Variants in SLC26A4 observed in about 807,000 individuals in gnomAD.
SLC26A4 encodes solute carrier family 26 member 4, also known as pendrin.
Under a neutral mutation model 90.4 loss-of-function variants are expected in SLC26A4, and 93 were observed. The observed-to-expected ratio is 1.03, with a 90% CI of 0.87 to 1.22. The LOEUF (loss-of-function observed/expected upper bound fraction) is 1.22, where lower values mean the gene tolerates loss of function less well. SLC26A4 is among the 50% of genes most tolerant of loss of function. The probability of loss-of-function intolerance (pLI) is 0.00; values close to 1 mark genes in which losing one functional copy is unlikely to be tolerated. For synonymous variants in SLC26A4, 393 were observed against 354.6 expected (o/e 1.11, Z -1.22); for missense variants, 1,127 against 946.2 (o/e 1.19, Z -2.51).
intron 3 of SLC26A4, among the ~76,000 whole-genome samples, chr7:107,666,288 C>T (rs926920370): frequency 9.2e-5 from 14 of 152,024 alleles, no homozygotes; most frequent in Non-Finnish European, 1.5e-5. Flanking sequence ...GTGGTGAGAT[C>T]ACAGCTCACC....
At chr7:107,682,555 T>A (rs1394455151) in intron 6 of SLC26A4, among the ~76,000 whole-genome samples, 1 of 152,124 alleles carries the variant, frequency 6.6e-6, no homozygotes, top group Non-Finnish European at 1.5e-5. Flanking sequence ...TATTTTAGGA[T>A]TTTTTGTAAT....
At chr7:107,697,997 T>G in intron 13 of SLC26A4, 45 bp from the exon 14 acceptor site, 1 of 1,231,160 alleles carries the variant, frequency 8.1e-7, no homozygotes, top group Non-Finnish European at 1.2e-6. Flanking sequence ...TATTCCAAAA[T>G]ACGGCTGTTC....
intron 3 of SLC26A4, among the ~76,000 whole-genome samples, chr7:107,667,561 G>A (rs1397622111): frequency 6.7e-6 from 1 of 149,460 alleles, no homozygotes; most frequent in Admixed American, 6.7e-5. Flanking sequence ...CTTTTAAGAA[G>A]TTTTGCCATG....
intron 4 of SLC26A4, 29 bp downstream of exon 4, chr7:107,672,277 T>C: frequency 7.1e-7 from 1 of 1,405,874 alleles, no homozygotes; most frequent in Non-Finnish European, 1.0e-6. Context: ...TACAATTATA[T>C]TTGCTCATGT....
intron 16 of SLC26A4, among the ~76,000 whole-genome samples, 194 bp downstream of exon 16, chr7:107,701,390 G>A (rs1250213289): frequency 2.6e-5 from 4 of 152,244 alleles, no homozygotes; most frequent in East Asian, 3.9e-4. Flanking sequence ...AATCAGCAGC[G>A]CTGCCTGGAA....
chr7:107,686,409 CTT>C (rs1430454609), intron 8 of SLC26A4, among the ~76,000 whole-genome samples: 2 of 39,860 alleles, frequency 5.0e-5, no homozygotes, highest in South Asian at 1.6e-3. Context: ...TCTCTTTTTT[CTT>C]TCTTTCTTTC....
intron 3 of SLC26A4, among the ~76,000 whole-genome samples, chr7:107,670,196 G>A (rs1003762811): frequency 8.1e-5 from 12 of 148,996 alleles, no homozygotes; most frequent in Middle Eastern, 3.4e-3. Flanking sequence ...TGAAACCTCC[G>A]CCTCCTGGGT....
In SLC26A4 at chr7:107,716,531, G is replaced by T. The variant is rs947945789; in HGVS notation, c.*1085G>T. 6.6e-6 allele frequency: 1 copy of T among 152,066 alleles called. No individual in the cohort carries two copies. The highest frequency in any genetic ancestry group is 2.4e-5 in the African/African-American group (1 of 41,386). 9.4% of individuals were successfully genotyped at this position (152,066 alleles called of 1,614,324 possible). ...GAACTCAATATAAAAACATTCATTT[G>T]GAATGTACATACTGAAAAATACAGG... On this transcript the variant is annotated 3_prime_UTR_variant, in exon 21 of 21. Transcript: ENST00000644269.
rs1310085206 is a variant in SLC26A4 at position 107,672,093 on chromosome 7, T to C, written c.305-45T>C. 5.7e-6 allele frequency: 7 copies of C among 1,225,676 alleles called. No individual in the cohort carries two copies. The East Asian group carries it at 1.2e-4, about 20-fold the overall frequency. The allele number at this position is 1,225,676 out of a possible 1,614,324, so 75.9% of individuals were successfully genotyped here. A position where few individuals can be genotyped will look rare whatever the true frequency, so the allele number is the denominator to read the frequency against. ...TGTAAGTTGAGGACTTTCTGCATAC[T>C]GTAACTTTGGTTTGTGAATGTAATC... is the stretch of plus-strand genomic sequence containing the variant. On this transcript the variant is annotated intron_variant, in intron 3 of 20. Transcript: ENST00000644269.
At position 107,675,358 on chromosome 7, in the gene SLC26A4, T is replaced by C. The variant is rs111738512; in HGVS notation, c.765+249T>C. On this transcript the variant is annotated intron_variant, in intron 6 of 20. Coordinates refer to ENST00000644269, the MANE Select transcript of SLC26A4 (RefSeq NM_000441.2). The stretch of plus-strand genomic sequence containing the variant: ...AAGAAAAAATCCAAAAATCCGAAAA[T>C]TTGCTGGGTGTGGTGGTGCACACTT... 7.1e-3 allele frequency among the ~76,000 whole-genome samples: 1,024 copies of C among 144,600 alleles called. 9 individuals carry two copies. The highest frequency in any genetic ancestry group is 0.025 in the African/African-American group (963 of 39,084). The allele number at this position is 144,600 out of a possible 152,430, so 94.9% of individuals were successfully genotyped here.
At chr7:107,663,669 G>A (rs1287623664) in intron 3 of SLC26A4, among the ~76,000 whole-genome samples, 1 of 152,118 alleles carries the variant, frequency 6.6e-6, no homozygotes, top group African/African-American at 2.4e-5. Flanking sequence ...ACTAGGCAGT[G>A]GCTTCTCAAT....
Position 107,716,687 on chromosome 7 carries a change from G to C in SLC26A4, c.*1241G>C, listed in dbSNP as rs1792354002. On this transcript the variant is annotated 3_prime_UTR_variant, in exon 21 of 21. Transcript: ENST00000644269. Reference sequence around the variant, plus strand: ...CTTTTCCCATATATTTCACACTGGAGTGAATGAAGTTGTACTTCATTTCTA... The same window carrying C: ...CTTTTCCCATATATTTCACACTGGACTGAATGAAGTTGTACTTCATTTCTA... 1 of 152,078 alleles carries C rather than the reference G, an allele frequency of 6.6e-6. No homozygotes were observed. The highest frequency in any genetic ancestry group is 2.1e-4 in the South Asian group (1 of 4,818). 9.4% of individuals were successfully genotyped at this position (152,078 alleles called of 1,614,324 possible). A position where few individuals can be genotyped will look rare whatever the true frequency, so the allele number is the denominator to read the frequency against.
In SLC26A4 at chr7:107,685,610, T is replaced by C. The variant is rs190637877; in HGVS notation, c.1001+2073T>C. 9.2e-5 allele frequency among the ~76,000 whole-genome samples: 14 copies of C among 152,350 alleles called. No individual in the cohort carries two copies. The East Asian group carries it at 1.7e-3, about 19-fold the overall frequency. The stretch of plus-strand genomic sequence containing the variant: ...TGGACAGCCAAAAACAGTGGCTCCA[T>C]GCCCTTCCCTCTACTCCCTTTCCTG... On this transcript the variant is annotated intron_variant, in intron 8 of 20. Transcript: ENST00000644269.
At chr7:107,686,116 T>G (rs1467483770) in intron 8 of SLC26A4, among the ~76,000 whole-genome samples, 1 of 151,160 alleles carries the variant, frequency 6.6e-6, no homozygotes, top group Non-Finnish European at 1.5e-5. Context: ...TGGGTGTGTG[T>G]GTGTGTGTAT....
intron 16 of SLC26A4, 62 bp downstream of exon 16, chr7:107,701,258 A>G: frequency 9.8e-7 from 1 of 1,018,466 alleles, no homozygotes; most frequent in Admixed American, 1.7e-5. Context: ...GAGCAGTTAG[A>G]GGGTCTAAAA....
At chr7:107,663,840 C>T (rs1455172094) in intron 3 of SLC26A4, among the ~76,000 whole-genome samples, 5 of 152,222 alleles carry the variant, frequency 3.3e-5, no homozygotes, top group South Asian at 2.1e-4. Flanking sequence ...CCCGCCACTA[C>T]GCCCGGCTAA....
chr7:107,675,165 TA>T, intron 6 of SLC26A4, 56 bp downstream of exon 6: 1 of 1,555,974 alleles, frequency 6.4e-7, no homozygotes, highest in Non-Finnish European at 8.9e-7. Context: ...GAAACAATTG[TA>T]TTCATTCTCT....
chr7:107,686,285 CCCTTTCCTA>C (rs1196941793), intron 8 of SLC26A4, among the ~76,000 whole-genome samples: 308 of 122,240 alleles, frequency 2.5e-3, no homozygotes, highest in African/African-American at 8.0e-3. Context: ...TCCCTTCCCT[CCCTTTCCTA>C]CCTTCCCTCC....
At chr7:107,691,510 T>TACACACACACACACAC (rs780039045) in intron 10 of SLC26A4, among the ~76,000 whole-genome samples, 12 of 51,216 alleles carry the variant, frequency 2.3e-4, no homozygotes, top group African/African-American at 5.2e-4. Context: ...GTCAAATATA[T>TACACACACACACACAC]ATATACACAC....
Sources: gnomAD v4.1 joint callset for allele counts (sites outside exome capture counted in the v4.1 genomes callset) on GRCh38, gnomAD v4.1.1 for gene constraint, MANE v1.5 for transcripts, NCBI Gene and HGNC (gene_info 2026-07-23, HGNC 2026-07-21) for gene names.